The following NAA40 variants were observed in gnomAD, a reference collection of about 807,000 sequenced individuals.
NAA40 encodes the protein N-alpha-acetyltransferase 40.
A neutral mutation model predicts 36.6 loss-of-function variants in NAA40; 26 were observed. The observed-to-expected ratio is 0.71, with a 90% confidence interval of 0.52 to 0.98. The LOEUF (loss-of-function observed/expected upper bound fraction) is 0.98. NAA40 is among the 50% of genes least tolerant of loss of function. The pLI is 0.00. For missense variants in NAA40, 237 were observed against 306.5 expected, an observed-to-expected ratio of 0.77 and a Z score of 1.69; for synonymous variants, 129 against 108.4, an observed-to-expected ratio of 1.19 and a Z score of -1.18.
chr11:63,941,673 C>A (rs777454149), intron 1 of NAA40, among the ~76,000 whole-genome samples: 1 of 152,092 alleles, frequency 6.6e-6, no homozygotes, highest in African/African-American at 2.4e-5. Flanking sequence ...CTGCCTCAGC[C>A]TCCCGAGTAG....
intron 7 of NAA40, 118 bp downstream of exon 7, chr11:63,954,167 G>T (rs960915094): frequency 3.0e-6 from 4 of 1,328,838 alleles, no homozygotes; most frequent in Non-Finnish European, 2.1e-6. Context: ...GTCCATGGGG[G>T]TTCAGGTTCA....
intron 3 of NAA40, 98 bp from the exon 4 acceptor site, chr11:63,952,140 G>T: frequency 1.1e-6 from 1 of 936,366 alleles, no homozygotes. Flanking sequence ...TGCAGTAACT[G>T]AGACTGGGCC....
At chr11:63,952,195 G>A (rs1590758439) in intron 3 of NAA40, 43 bp from the exon 4 acceptor site, 2 of 1,440,058 alleles carry the variant, frequency 1.4e-6, no homozygotes, top group Admixed American at 3.6e-5. Flanking sequence ...GCCCTGGCAG[G>A]AGTGCTGTAA....
At chr11:63,945,094 G>C (rs568842940) in intron 1 of NAA40, among the ~76,000 whole-genome samples, 1 of 152,282 alleles carries the variant, frequency 6.6e-6, no homozygotes, top group South Asian at 2.1e-4. Flanking sequence ...GCCATTCGCT[G>C]CTCTATGCCA....
intron 3 of NAA40, among the ~76,000 whole-genome samples, chr11:63,949,321 T>A (rs1245975443): frequency 6.6e-6 from 1 of 152,226 alleles, no homozygotes; most frequent in Non-Finnish European, 1.5e-5. Flanking sequence ...TGTTATTTTA[T>A]TTTAAAATTT....
At chr11:63,950,228 C>T (rs532368433) in intron 3 of NAA40, among the ~76,000 whole-genome samples, 300 of 151,108 alleles carry the variant, frequency 2.0e-3, no homozygotes, top group African/African-American at 7.0e-3. Flanking sequence ...AAGTGATTCT[C>T]CTGCCTCTAC....
rs1278673521 is a variant in NAA40 at position 63,957,212 on chromosome 11, A to ATATATATATTTTT, written c.*2734_*2735insATATATATTTTTT. The ATATATATATTTTT allele has an allele frequency of 1.6e-5, 1 of 64,300 alleles. No individual in the cohort carries two copies. The highest frequency in any genetic ancestry group is 1.3e-4 in the Admixed American group (1 of 7,864). 4.0% of individuals were successfully genotyped at this position (64,300 alleles called of 1,614,324 possible). On this transcript the variant is annotated 3_prime_UTR_variant, in exon 8 of 8. Coordinates refer to ENST00000377793, the MANE Select transcript of NAA40 (RefSeq NM_024771.4). Reference sequence around the variant, plus strand: ...CCTTGATATATATATATATATATATATTTTTTTTTTTCTTTAGCAGCTTGT... The same window carrying ATATATATATTTTT: ...CCTTGATATATATATATATATATATATATATATATTTTTTTTTTTTTTTTCTTTAGCAGCTTGT...
At chr11:63,950,051 G>C (rs974123759) in intron 3 of NAA40, among the ~76,000 whole-genome samples, 2 of 151,634 alleles carry the variant, frequency 1.3e-5, no homozygotes, top group South Asian at 4.2e-4. Context: ...GCCAAACTTG[G>C]AAGGTTTTTT....
intron 1 of NAA40, 80 bp downstream of exon 1, chr11:63,939,182 T>TCTCACGTGACCCCGACCCCCTCCAGC: frequency 2.0e-6 from 2 of 999,790 alleles, no homozygotes; most frequent in South Asian, 2.9e-5. Flanking sequence ...TAAACCCCCC[T>TCTCACGTGACCCCGACCCCCTCCAGC]CTCACGTGAC....
At position 63,952,849 on chromosome 11, in the gene NAA40, C is replaced by A; in HGVS notation, c.494+10C>A. ...AGCTCATGGCCAACAGGTAAGGCCTCCCTTCTTAGGAGGCCCATATAGCAC... is the reference window on the plus strand; with the variant it reads ...AGCTCATGGCCAACAGGTAAGGCCTACCTTCTTAGGAGGCCCATATAGCAC... On this transcript the variant is annotated intron_variant, in intron 6 of 7. Transcript: ENST00000377793. The A allele has an allele frequency of 1.9e-6, 3 of 1,613,112 alleles. No individual in the cohort carries two copies. The highest frequency in any genetic ancestry group is 1.7e-6 in the Non-Finnish European group (2 of 1,179,226).
At chr11:63,947,604 G>A (rs1374100035) in intron 3 of NAA40, among the ~76,000 whole-genome samples, 1 of 151,800 alleles carries the variant, frequency 6.6e-6, no homozygotes, top group African/African-American at 2.4e-5. Context: ...AGGCTGGAGT[G>A]CAGTGACGCA....
In NAA40 at chr11:63,952,537, G is replaced by A. The variant is rs146570124; in HGVS notation, c.382G>A (p.Val128Met). Residue 128 changes from valine to methionine, a missense_variant, in exon 5 of 8, where the codon GTG becomes ATG. By Grantham distance (21) the Val-to-Met change is conservative. Coordinates refer to ENST00000377793, the MANE Select transcript of NAA40 (RefSeq NM_024771.4). ...TGCCTTTTCTCACTTCCGGTTTGAC[G>A]TGGAGTGTGGGGATGAAGTCCTGTA... ...PVAFSHFRFD[V>M]ECGDEVLYCY... The A allele has an allele frequency of 4.3e-6, 7 of 1,614,166 alleles. No homozygotes were observed. The highest frequency in any genetic ancestry group is 1.7e-5 in the Admixed American group (1 of 60,024).
At chr11:63,952,012 G>A (rs778073061) in intron 3 of NAA40, 17 of 515,946 alleles carry the variant, frequency 3.3e-5, no homozygotes, top group Non-Finnish European at 4.8e-5. Context: ...GGCAGGAAAC[G>A]GGCCTTGTGG....
intron 2 of NAA40, 70 bp downstream of exon 2, chr11:63,946,005 G>C: frequency 7.0e-7 from 1 of 1,419,032 alleles, no homozygotes; most frequent in Non-Finnish European, 9.9e-7. Context: ...GACTTATTTT[G>C]TCTCCACCCT....
At chr11:63,939,233 T>C in intron 1 of NAA40, 131 bp downstream of exon 1, 1 of 1,055,948 alleles carries the variant, frequency 9.5e-7, no homozygotes, top group East Asian at 4.8e-5. Flanking sequence ...GACCCCCACA[T>C]GACCCGACTC....
chr11:63,940,428 G>A (rs953939999), intron 1 of NAA40, among the ~76,000 whole-genome samples: 3 of 152,156 alleles, frequency 2.0e-5, no homozygotes, highest in South Asian at 2.1e-4. Flanking sequence ...TTCCAGCCCC[G>A]TCTTCGCTGC....
Position 63,952,509 on chromosome 11 carries a change from T to G in NAA40, c.354T>G (p.Pro118=), listed in dbSNP as rs1397363200. ...YLIAWENSSV[P]VAFSHFRFDV... ...TCGCGTGGGAAAACAGCTCCGTCCC[T>G]GTTGCCTTTTCTCACTTCCGGTTTG... The change falls in exon 5 of 8, where the codon CCT becomes CCG. Residue 118 remains proline (P), a synonymous_variant. Transcript: ENST00000377793. The G allele has an allele frequency of 6.2e-7, 1 of 1,614,068 alleles. No homozygotes were observed. Among genetic ancestry groups the G allele is most frequent in the Non-Finnish European group, 8.5e-7 (1 of 1,180,050 alleles).
intron 1 of NAA40, among the ~76,000 whole-genome samples, chr11:63,940,983 G>A (rs1942099845): frequency 6.6e-6 from 1 of 152,204 alleles, no homozygotes; most frequent in Non-Finnish European, 1.5e-5. Flanking sequence ...AACAAGAAGT[G>A]TAACATGCCG....
intron 2 of NAA40, chr11:63,946,362 C>A: frequency 7.7e-6 from 2 of 261,400 alleles, no homozygotes; most frequent in Non-Finnish European, 1.4e-5. Flanking sequence ...TATAGGTGCC[C>A]ACCACCACAC....
Sources: allele counts gnomAD v4.1 joint callset (sites outside exome capture counted in the v4.1 genomes callset), GRCh38; gene constraint gnomAD v4.1.1; transcripts MANE v1.5; gene names NCBI Gene and HGNC (gene_info 2026-07-23, HGNC 2026-07-21).